The following ADGRL3 variants were observed in gnomAD, a reference collection of about 807,000 sequenced individuals.
ADGRL3 encodes the protein calcium-independent alpha-latrotoxin receptor 3.
Under a neutral mutation model 153.5 loss-of-function variants are expected in ADGRL3, and 62 were observed. That is an observed-to-expected ratio of 0.40 (90% CI 0.33 to 0.50). ADGRL3 has a LOEUF of 0.50. ADGRL3 is among the 20% of genes least tolerant of loss of function. The pLI, the probability that ADGRL3 is intolerant of heterozygous loss-of-function variation, is 0.47. For synonymous variants in ADGRL3, 710 were observed against 672.5 expected, an observed-to-expected ratio of 1.06 and a Z score of -0.86; for missense variants, 1,641 against 1,859.4, an observed-to-expected ratio of 0.88 and a Z score of 2.16.
intron 11 of ADGRL3, among the ~76,000 whole-genome samples, chr4:61,906,936 A>C (rs1456675877): frequency 1.3e-5 from 2 of 152,176 alleles, no homozygotes; most frequent in African/African-American, 4.8e-5. Context: ...AATACCCATT[A>C]GTCAAACAGC....
chr4:61,570,554 T>C (rs2098834410), intron 4 of ADGRL3, among the ~76,000 whole-genome samples: 4 of 152,156 alleles, frequency 2.6e-5, no homozygotes, highest in Admixed American at 2.6e-4. Context: ...TATCAATGCC[T>C]CATCTCTGAA....
At chr4:61,483,098 T>G (rs2152743871) in intron 2 of ADGRL3, among the ~76,000 whole-genome samples, 1 of 152,280 alleles carries the variant, frequency 6.6e-6, no homozygotes, top group African/African-American at 2.4e-5. Flanking sequence ...TATTTAACTC[T>G]TCATAACTTT....
intron 1 of ADGRL3, among the ~76,000 whole-genome samples, chr4:61,224,108 C>G (rs545190004): frequency 6.6e-6 from 1 of 151,786 alleles, no homozygotes; most frequent in African/African-American, 2.4e-5. Context: ...AAATAATCTT[C>G]GTGTATACTG....
intron 8 of ADGRL3, among the ~76,000 whole-genome samples, chr4:61,767,798 A>G (rs1245144325): frequency 2.0e-5 from 3 of 152,160 alleles, no homozygotes; most frequent in South Asian, 2.1e-4. Context: ...TGGCTGCTAC[A>G]GTTCAGGCGT....
At chr4:61,891,578 G>C (rs1056769773) in intron 9 of ADGRL3, among the ~76,000 whole-genome samples, 1 of 152,112 alleles carries the variant, frequency 6.6e-6, no homozygotes, top group African/African-American at 2.4e-5. Context: ...GAATGAACCT[G>C]GGGACCTCCT....
At position 61,495,401 on chromosome 4, in the gene ADGRL3, C is replaced by G. The variant is rs2098302532; in HGVS notation, c.-173-1720C>G. Reference sequence around the variant, plus strand: ...CTCTGAAATTATTGAAAATATGTATCAATCTCCAAGACAAAAAAAAGAAAA... The same window carrying G: ...CTCTGAAATTATTGAAAATATGTATGAATCTCCAAGACAAAAAAAAGAAAA... On this transcript the variant is annotated intron_variant, in intron 2 of 26. Transcript: ENST00000683033. Among the ~76,000 whole-genome samples, 3 of 143,924 alleles carry G rather than the reference C, an allele frequency of 2.1e-5. No individual in the cohort carries two copies. The South Asian group carries it at 6.7e-4, about 32-fold the overall frequency. 94.4% of individuals were successfully genotyped at this position (143,924 alleles called of 152,430 possible).
At chr4:61,654,160 T>C (rs1274040460) in intron 5 of ADGRL3, among the ~76,000 whole-genome samples, 1 of 152,226 alleles carries the variant, frequency 6.6e-6, no homozygotes, top group Non-Finnish European at 1.5e-5. Flanking sequence ...TCTCATATTA[T>C]GTACCTACTG....
At chr4:61,506,785 C>T (rs1398764746) in intron 3 of ADGRL3, among the ~76,000 whole-genome samples, 8 of 151,978 alleles carry the variant, frequency 5.3e-5, no homozygotes, top group African/African-American at 1.2e-4. Flanking sequence ...ATAAAAATAA[C>T]GTGCAAACAT....
intron 6 of ADGRL3, among the ~76,000 whole-genome samples, chr4:61,691,627 T>C (rs1347771464): frequency 1.3e-5 from 2 of 152,180 alleles, no homozygotes; most frequent in East Asian, 1.9e-4. Context: ...TAGTGCTTGA[T>C]AAAAGTTTGC....
chr4:61,304,943 C>T (rs2094718593), intron 1 of ADGRL3, among the ~76,000 whole-genome samples: 1 of 152,070 alleles, frequency 6.6e-6, no homozygotes. Flanking sequence ...TGGTACCTGC[C>T]TTAGAATATT....
At chr4:61,337,781 T>C (rs2095710546) in intron 1 of ADGRL3, among the ~76,000 whole-genome samples, 1 of 152,212 alleles carries the variant, frequency 6.6e-6, no homozygotes. Context: ...TCTTTGGCTT[T>C]TAAGGCACAT....
chr4:61,403,278 T>G (rs1409084242), intron 2 of ADGRL3, among the ~76,000 whole-genome samples: 1 of 152,084 alleles, frequency 6.6e-6, no homozygotes, highest in Non-Finnish European at 1.5e-5. Flanking sequence ...CCTAAATACC[T>G]TCAGAATCTG....
intron 8 of ADGRL3, among the ~76,000 whole-genome samples, chr4:61,793,086 A>G (rs2097363873): frequency 6.6e-6 from 1 of 152,004 alleles, no homozygotes; most frequent in Admixed American, 6.6e-5. Context: ...GGATGGAGGC[A>G]GGGAAAGACA....
chr4:61,923,600 T>C (rs2098780523), intron 13 of ADGRL3, among the ~76,000 whole-genome samples: 1 of 152,160 alleles, frequency 6.6e-6, no homozygotes, highest in Non-Finnish European at 1.5e-5. Context: ...CAGTTCCTTC[T>C]ACTTGGATTA....
chr4:61,506,210 G>A (rs760680900), intron 3 of ADGRL3, among the ~76,000 whole-genome samples: 6 of 151,938 alleles, frequency 3.9e-5, no homozygotes, highest in East Asian at 3.9e-4. Flanking sequence ...ATAAAATAAT[G>A]TATAAAAAGG....
chr4:61,827,097 T>A (rs1389157981), intron 9 of ADGRL3, among the ~76,000 whole-genome samples: 1 of 152,156 alleles, frequency 6.6e-6, no homozygotes, highest in African/African-American at 2.4e-5. Context: ...AGGACTAAAT[T>A]CTGAGTCTCT....
chr4:61,775,804 G>A, intron 8 of ADGRL3: 2 of 730,070 alleles, frequency 2.7e-6, no homozygotes, highest in South Asian at 3.1e-5. Context: ...CTGTAAAGCA[G>A]TATTAACGTC....
At chr4:61,256,744 G>A (rs2092008753) in intron 1 of ADGRL3, among the ~76,000 whole-genome samples, 3 of 152,042 alleles carry the variant, frequency 2.0e-5, no homozygotes, top group Admixed American at 2.0e-4. Context: ...AAACTCTAAG[G>A]ATGATTGCAG....
At chr4:62,015,886 T>C (rs1278516229) in intron 21 of ADGRL3, among the ~76,000 whole-genome samples, 2 of 151,816 alleles carry the variant, frequency 1.3e-5, no homozygotes, top group African/African-American at 4.8e-5. Flanking sequence ...TTCCTTTTGG[T>C]ACAAATATAA....
Sources: allele counts gnomAD v4.1 joint callset (sites outside exome capture counted in the v4.1 genomes callset), GRCh38; gene constraint gnomAD v4.1.1; transcripts MANE v1.5; gene names NCBI Gene and HGNC (gene_info 2026-07-23, HGNC 2026-07-21).